The following BRINP1 variants were observed in gnomAD, a reference collection of about 807,000 sequenced individuals.
The protein encoded by BRINP1 is BMP/retinoic acid-inducible neural-specific protein 1.
In BRINP1, 17 loss-of-function variants were observed where a neutral mutation model predicts 72.9. That is an observed-to-expected ratio of 0.23 (90% CI 0.16 to 0.35). The LOEUF (loss-of-function observed/expected upper bound fraction) is 0.35, where lower values mean the gene tolerates loss of function less well. Among genes scored for constraint, BRINP1 ranks in the 10% least tolerant of loss-of-function variants. The pLI is 1.00. For synonymous variants in BRINP1, 418 were observed against 378.5 expected (o/e 1.10, Z -1.21); for missense variants, 850 against 1,001.6 (o/e 0.85, Z 2.04).
At chr9:119,195,876 G>T (rs996319177) in intron 7 of BRINP1, among the ~76,000 whole-genome samples, 1 of 152,190 alleles carries the variant, frequency 6.6e-6, no homozygotes, top group Admixed American at 6.5e-5. Flanking sequence ...TTAATCTGGT[G>T]TAAACCACTT....
At chr9:119,252,290 G>T (rs919606931) in intron 2 of BRINP1, among the ~76,000 whole-genome samples, 29 of 152,112 alleles carry the variant, frequency 1.9e-4, no homozygotes, top group Non-Finnish European at 2.9e-5. Context: ...CTGCAGCCTG[G>T]TAACAAACCC....
chr9:119,285,319 C>T (rs372099569), intron 2 of BRINP1, among the ~76,000 whole-genome samples: 16 of 152,042 alleles, frequency 1.1e-4, no homozygotes, highest in East Asian at 7.7e-4. Context: ...TCTGCACATT[C>T]GAACGGGATG....
chr9:119,225,834 T>C (rs946733358), intron 5 of BRINP1, among the ~76,000 whole-genome samples: 26 of 152,044 alleles, frequency 1.7e-4, no homozygotes, highest in African/African-American at 5.8e-4. Context: ...GTACTGTTGC[T>C]AAATTTAACA....
At chr9:119,211,741 G>A (rs890408863) in intron 6 of BRINP1, among the ~76,000 whole-genome samples, 1 of 152,150 alleles carries the variant, frequency 6.6e-6, no homozygotes, top group Non-Finnish European at 1.5e-5. Context: ...ATGCACATAC[G>A]GATGAATGGA....
chr9:119,316,919 C>T (rs990183590), intron 1 of BRINP1, among the ~76,000 whole-genome samples: 1 of 148,848 alleles, frequency 6.7e-6, no homozygotes, highest in Non-Finnish European at 1.5e-5. Context: ...GATGAAACCC[C>T]GCCTCTACTA....
chr9:119,281,304 C>T (rs1830708820), intron 2 of BRINP1, among the ~76,000 whole-genome samples: 1 of 152,132 alleles, frequency 6.6e-6, no homozygotes, highest in Non-Finnish European at 1.5e-5. Flanking sequence ...GACCTGGTTG[C>T]AATCTGCAAT....
chr9:119,350,436 T>A (rs1422309058), intron 1 of BRINP1, among the ~76,000 whole-genome samples: 1 of 152,194 alleles, frequency 6.6e-6, no homozygotes, highest in Non-Finnish European at 1.5e-5. Flanking sequence ...GTTGCCGCTC[T>A]CTATCTCTTG....
intron 5 of BRINP1, among the ~76,000 whole-genome samples, chr9:119,218,094 AG>A (rs1428990614): frequency 6.6e-6 from 1 of 151,992 alleles, no homozygotes; most frequent in Non-Finnish European, 1.5e-5. Flanking sequence ...CCCATTAGAG[AG>A]TAGGCTCTAG....
At chr9:119,234,377 C>T (rs1238501518) in intron 5 of BRINP1, among the ~76,000 whole-genome samples, 1 of 152,102 alleles carries the variant, frequency 6.6e-6, no homozygotes, top group African/African-American at 2.4e-5. Context: ...GAGAGTTGAG[C>T]ACCTAAGTGT....
intron 7 of BRINP1, 152 bp from the exon 8 acceptor site, chr9:119,168,376 G>A (rs576349154): frequency 5.7e-5 from 33 of 579,718 alleles, no homozygotes; most frequent in Non-Finnish European, 8.0e-5. Context: ...GAATATAAAC[G>A]TAAGAACTAC....
chr9:119,329,139 G>C (rs190995717), intron 1 of BRINP1, among the ~76,000 whole-genome samples: 18 of 152,286 alleles, frequency 1.2e-4, no homozygotes, highest in African/African-American at 4.3e-4. Flanking sequence ...TGGTGAGTTA[G>C]TGGCTTTGAG....
At chr9:119,254,256 A>G (rs1391460116) in intron 2 of BRINP1, among the ~76,000 whole-genome samples, 7 of 152,206 alleles carry the variant, frequency 4.6e-5, no homozygotes, top group Non-Finnish European at 7.3e-5. Context: ...CAGGGGAGAT[A>G]AGTGTTATAA....
intron 7 of BRINP1, among the ~76,000 whole-genome samples, chr9:119,189,341 A>G (rs230080): frequency 0.73 from 110,873 of 151,988 alleles, 41,973 homozygotes; most frequent in African/African-American, 0.94. Flanking sequence ...TAATGACATT[A>G]ACTGTAAATA....
At chr9:119,289,988 C>A (rs1186901114) in intron 2 of BRINP1, among the ~76,000 whole-genome samples, 1 of 152,198 alleles carries the variant, frequency 6.6e-6, no homozygotes, top group Non-Finnish European at 1.5e-5. Context: ...GATTCACCTG[C>A]AGTGATCCTT....
intron 7 of BRINP1, among the ~76,000 whole-genome samples, chr9:119,206,274 G>T (rs1457962667): frequency 6.6e-6 from 1 of 151,812 alleles, no homozygotes; most frequent in Admixed American, 6.6e-5. Context: ...AAATTAGCTG[G>T]GTGTGGTGGT....
At chr9:119,322,299 C>T (rs984099781) in intron 1 of BRINP1, among the ~76,000 whole-genome samples, 7 of 152,164 alleles carry the variant, frequency 4.6e-5, no homozygotes, top group African/African-American at 1.7e-4. Flanking sequence ...AGGCCCATTG[C>T]TGCACAGGGC....
intron 2 of BRINP1, among the ~76,000 whole-genome samples, chr9:119,251,276 C>T (rs1172769714): frequency 1.3e-5 from 2 of 152,140 alleles, no homozygotes; most frequent in Admixed American, 6.5e-5. Flanking sequence ...CAGTCCCTGT[C>T]CTTAAGAAGC....
At chr9:119,340,578 A>G (rs1831396353) in intron 1 of BRINP1, among the ~76,000 whole-genome samples, 1 of 152,210 alleles carries the variant, frequency 6.6e-6, no homozygotes, top group Admixed American at 6.5e-5. Context: ...AGACAATCCC[A>G]TTCTATATAG....
Position 119,238,699 on chromosome 9 carries a change from C to G in BRINP1, c.641G>C (p.Ser214Thr). The part of the protein sequence containing the change: ...CNSYDNLDSV[S>T]SVLLQSTESK... ...CTCCGTGCTTTGCAGAAGGACGGAA[C>G]TCACAGAGTCCAGATTGTCATAGCT... Residue 214 changes from serine (S) to threonine (T), a missense_variant, in exon 5 of 8, where the codon AGT (serine) becomes ACT (threonine). By Grantham distance (58) the Ser-to-Thr change is moderately conservative. Coordinates refer to ENST00000265922, the MANE Select transcript of BRINP1 (RefSeq NM_014618.3). The G allele has an allele frequency of 6.2e-7, 1 of 1,612,714 alleles. No individual in the cohort carries two copies. Among genetic ancestry groups the G allele is most frequent in the Non-Finnish European group, 8.5e-7 (1 of 1,179,738 alleles).
Sources: gnomAD v4.1 joint callset for allele counts (sites outside exome capture counted in the v4.1 genomes callset) on GRCh38, gnomAD v4.1.1 for gene constraint, MANE v1.5 for transcripts, NCBI Gene and HGNC (gene_info 2026-07-23, HGNC 2026-07-21) for gene names.